MTHFD2L: variants seen among roughly 807,000 people sequenced by gnomAD.
MTHFD2L encodes bifunctional methylenetetrahydrofolate dehydrogenase/cyclohydrolase 2, mitochondrial.
Under a neutral mutation model 34.9 loss-of-function variants are expected in MTHFD2L, and 29 were observed. The observed-to-expected ratio is 0.83, with a 90% CI of 0.62 to 1.13. The LOEUF is 1.13. Ranked by LOEUF, MTHFD2L falls within the 50% of genes most tolerant of loss-of-function variation. The pLI, the probability that MTHFD2L is intolerant of heterozygous loss-of-function variation, is 0.00. For synonymous variants in MTHFD2L, 167 were observed against 155.7 expected, an observed-to-expected ratio of 1.07 and a Z score of -0.54; for missense variants, 481 against 446.5, an observed-to-expected ratio of 1.08 and a Z score of -0.70.
intron 5 of MTHFD2L, among the ~76,000 whole-genome samples, chr4:74,211,427 A>G (rs1426464656): frequency 1.3e-5 from 2 of 152,192 alleles, no homozygotes; most frequent in South Asian, 2.1e-4. Context: ...CCTTTTCCGC[A>G]TCTATTGAGA....
At chr4:74,282,806 G>A (rs1747674269) in intron 7 of MTHFD2L, among the ~76,000 whole-genome samples, 1 of 152,034 alleles carries the variant, frequency 6.6e-6, no homozygotes, top group Non-Finnish European at 1.5e-5. Flanking sequence ...TTCTAGCAAG[G>A]CTGGCTCTTG....
chr4:74,225,679 T>C (rs1739036526), intron 6 of MTHFD2L, among the ~76,000 whole-genome samples: 1 of 152,126 alleles, frequency 6.6e-6, no homozygotes, highest in Non-Finnish European at 1.5e-5. Flanking sequence ...TAACAGCATT[T>C]ACGGAAAAAG....
At position 74,188,172 on chromosome 4, in the gene MTHFD2L, C is replaced by T. The variant is rs78037030; in HGVS notation, c.452-11622C>T. ...TATGAAATGAAAACTAATGAATTGA[C>T]AGCATATCCGTGGTGTATTAGTCTG... On this transcript the variant is annotated intron_variant, in intron 3 of 7. Coordinates refer to ENST00000325278, the MANE Select transcript of MTHFD2L (RefSeq NM_001144978.3). Among the ~76,000 whole-genome samples, 5 of 152,268 alleles carry T rather than the reference C, an allele frequency of 3.3e-5. No individual in the cohort carries two copies. In the East Asian group the frequency reaches 7.7e-4, roughly 23 times the overall value.
At chr4:74,159,997 G>C in intron 1 of MTHFD2L, 1 of 1,191,908 alleles carries the variant, frequency 8.4e-7, no homozygotes, top group South Asian at 1.5e-5. Flanking sequence ...GTGGGTCTCG[G>C]GTGGGGAGGA....
chr4:74,171,728 A>C (rs544951221), intron 1 of MTHFD2L, among the ~76,000 whole-genome samples: 5 of 152,284 alleles, frequency 3.3e-5, no homozygotes, highest in African/African-American at 1.2e-4. Context: ...ATTTGAACCC[A>C]GGAGGCGGAG....
intron 7 of MTHFD2L, among the ~76,000 whole-genome samples, chr4:74,298,545 A>T (rs896965570): frequency 6.6e-6 from 1 of 152,020 alleles, no homozygotes; most frequent in Admixed American, 6.6e-5. Flanking sequence ...TGAAAAACAT[A>T]ATTTGGAAGA....
intron 1 of MTHFD2L, among the ~76,000 whole-genome samples, chr4:74,147,183 G>C (rs910891560): frequency 6.6e-6 from 1 of 152,050 alleles, no homozygotes; most frequent in East Asian, 1.9e-4. Context: ...GTTTGTGTTG[G>C]ATATATTTGC....
chr4:74,138,103 A>T (rs1723056973), intron 1 of MTHFD2L, among the ~76,000 whole-genome samples: 1 of 152,170 alleles, frequency 6.6e-6, no homozygotes, highest in South Asian at 2.1e-4. Flanking sequence ...AGAAAAATAA[A>T]TAAATAAGTA....
chr4:74,221,789 T>C (rs1738238623), intron 5 of MTHFD2L, among the ~76,000 whole-genome samples: 1 of 149,602 alleles, frequency 6.7e-6, no homozygotes, highest in Non-Finnish European at 1.5e-5. Flanking sequence ...TTCTGTTCTG[T>C]TTATTGTTTT....
intron 7 of MTHFD2L, among the ~76,000 whole-genome samples, chr4:74,300,127 T>C (rs1420448804): frequency 2.0e-5 from 3 of 152,048 alleles, no homozygotes; most frequent in Non-Finnish European, 2.9e-5. Context: ...AATGTGGCAA[T>C]GGAAAGGTTG....
intron 6 of MTHFD2L, among the ~76,000 whole-genome samples, chr4:74,277,250 C>T (rs1052899620): frequency 3.3e-5 from 5 of 151,248 alleles, no homozygotes; most frequent in African/African-American, 4.9e-5. Flanking sequence ...CTGCTGAGGG[C>T]GAATGGAGTC....
At chr4:74,134,464 G>A (rs901022515) in intron 1 of MTHFD2L, among the ~76,000 whole-genome samples, 5 of 152,122 alleles carry the variant, frequency 3.3e-5, no homozygotes, top group African/African-American at 1.2e-4. Flanking sequence ...AAACAAGGCA[G>A]CAAGCTGGCA....
chr4:74,277,847 T>G (rs1332310318), intron 6 of MTHFD2L, among the ~76,000 whole-genome samples: 2 of 151,886 alleles, frequency 1.3e-5, no homozygotes, highest in Admixed American at 1.3e-4. Flanking sequence ...CTGAGATAGG[T>G]AGCCTAGGTT....
At position 74,254,164 on chromosome 4, in the gene MTHFD2L, AG is replaced by A. The variant is rs554103584; in HGVS notation, c.806-27260del. On this transcript the variant is annotated intron_variant, in intron 6 of 7. Coordinates refer to ENST00000325278, the MANE Select transcript of MTHFD2L (RefSeq NM_001144978.3). The stretch of plus-strand genomic sequence containing the variant: ...TTAACAGACAACTTCTAAAATCTGC[AG>A]AGGGAAATGAATATCAAGATCCATG... Among the ~76,000 whole-genome samples the A allele has an allele frequency of 3.1e-3, 474 of 152,348 alleles. 2 individuals carry two copies. Among genetic ancestry groups the A allele is most frequent in the African/African-American group, 0.011 (452 of 41,580 alleles).
intron 5 of MTHFD2L, among the ~76,000 whole-genome samples, chr4:74,222,116 T>C (rs971022988): frequency 6.6e-6 from 1 of 152,080 alleles, no homozygotes; most frequent in African/African-American, 2.4e-5. Flanking sequence ...TTCCTGTTAT[T>C]ACATATTAGG....
At chr4:74,121,641 C>CATATATAATTATATATAATTAAATAT (rs1721767051), upstream of MTHFD2L, among the ~76,000 whole-genome samples, 1 of 139,384 alleles carries the variant, frequency 7.2e-6, no homozygotes, top group East Asian at 2.0e-4. Flanking sequence ...TTTAATTATA[C>CATATATAATTATATATAATTAAATAT]ATATATAATT....
At chr4:74,217,448 T>A (rs909702426) in intron 5 of MTHFD2L, among the ~76,000 whole-genome samples, 7 of 151,940 alleles carry the variant, frequency 4.6e-5, no homozygotes, top group African/African-American at 1.7e-4. Context: ...TCAGGCTTCT[T>A]TTTTTCCATT....
intron 5 of MTHFD2L, among the ~76,000 whole-genome samples, chr4:74,207,683 C>A (rs16850670): frequency 0.012 from 1,769 of 151,916 alleles, 41 homozygotes; most frequent in African/African-American, 0.041. Context: ...CAAGAGGCAC[C>A]CTATCTAAAT....
intron 7 of MTHFD2L, among the ~76,000 whole-genome samples, chr4:74,295,593 T>C (rs1749532055): frequency 6.6e-6 from 1 of 152,204 alleles, no homozygotes; most frequent in Non-Finnish European, 1.5e-5. Flanking sequence ...GATTTTATGC[T>C]GCCTGAAATG....
Sources: allele counts gnomAD v4.1 joint callset (sites outside exome capture counted in the v4.1 genomes callset), GRCh38; gene constraint gnomAD v4.1.1; transcripts MANE v1.5; gene names NCBI Gene and HGNC (gene_info 2026-07-23, HGNC 2026-07-21).